The following TAFA2 variants were observed in gnomAD, a reference collection of about 807,000 sequenced individuals.
The protein encoded by TAFA2 is TAFA chemokine like family member 2.
In TAFA2, 7 loss-of-function variants were observed where a neutral mutation model predicts 18.8. The ratio of observed to expected loss-of-function variants is 0.37; its 90% CI spans 0.21 to 0.70. The LOEUF is 0.70. Among genes scored for constraint, TAFA2 ranks in the 30% least tolerant of loss-of-function variants. TAFA2 has a pLI of 0.53. For synonymous variants in TAFA2, 60 were observed against 54.2 expected (o/e 1.11, Z -0.47); for missense variants, 122 against 158.1 (o/e 0.77, Z 1.23).
At chr12:61,847,511 T>C (rs1337898253) in intron 2 of TAFA2, among the ~76,000 whole-genome samples, 9 of 152,338 alleles carry the variant, frequency 5.9e-5, no homozygotes, top group South Asian at 2.1e-4. Flanking sequence ...ATACATTACT[T>C]TGAGAAACGC....
At chr12:61,993,367 C>G (rs1421969344) in intron 1 of TAFA2, among the ~76,000 whole-genome samples, 15 of 152,098 alleles carry the variant, frequency 9.9e-5, no homozygotes, top group Admixed American at 9.8e-4. Context: ...ACATGCTTTT[C>G]TGTAATTTTC....
intron 1 of TAFA2, among the ~76,000 whole-genome samples, chr12:62,185,048 C>CT (rs2062576835): frequency 6.6e-6 from 1 of 152,044 alleles, no homozygotes; most frequent in Admixed American, 6.5e-5. Context: ...ATGGAAGGAG[C>CT]AAACATACCT....
intron 1 of TAFA2, among the ~76,000 whole-genome samples, chr12:62,094,869 T>A (rs925326149): frequency 2.6e-5 from 4 of 152,032 alleles, no homozygotes; most frequent in African/African-American, 9.7e-5. Context: ...TCTGAGAATA[T>A]TCACCAAATT....
intron 1 of TAFA2, among the ~76,000 whole-genome samples, chr12:61,898,685 C>T (rs1476975743): frequency 1.3e-5 from 2 of 152,132 alleles, no homozygotes; most frequent in African/African-American, 2.4e-5. Flanking sequence ...GCCATTTTTT[C>T]CTCCTAGCCC....
At chr12:61,839,304 C>T (rs1873074248) in intron 2 of TAFA2, among the ~76,000 whole-genome samples, 1 of 152,054 alleles carries the variant, frequency 6.6e-6, no homozygotes, top group Admixed American at 6.6e-5. Context: ...GGAGAAATGT[C>T]TCAGTTGCTA....
At chr12:61,716,673 T>C (rs1459556793) in intron 4 of TAFA2, among the ~76,000 whole-genome samples, 1 of 152,192 alleles carries the variant, frequency 6.6e-6, no homozygotes, top group Non-Finnish European at 1.5e-5. Context: ...AAATGCATTA[T>C]GAACAATAGA....
intron 1 of TAFA2, among the ~76,000 whole-genome samples, chr12:61,936,061 T>C (rs1297758389): frequency 1.3e-5 from 2 of 151,640 alleles, no homozygotes; most frequent in African/African-American, 4.8e-5. Context: ...AAAAAGAAAA[T>C]CACAGTCCAA....
At chr12:61,976,571 G>A (rs1045563555) in intron 1 of TAFA2, among the ~76,000 whole-genome samples, 2 of 151,484 alleles carry the variant, frequency 1.3e-5, no homozygotes, top group Non-Finnish European at 2.9e-5. Context: ...TAAGTTCTAG[G>A]GTACATGTGC....
chr12:61,819,321 T>G (rs1872225529), intron 2 of TAFA2, among the ~76,000 whole-genome samples: 1 of 152,202 alleles, frequency 6.6e-6, no homozygotes, highest in African/African-American at 2.4e-5. Context: ...AAGAATGTAT[T>G]TTTAATTCCT....
At chr12:61,999,105 AAT>A (rs1327142185) in intron 1 of TAFA2, among the ~76,000 whole-genome samples, 1 of 152,216 alleles carries the variant, frequency 6.6e-6, no homozygotes, top group Non-Finnish European at 1.5e-5. Context: ...AAGACTGAAA[AAT>A]ATACTGGCCA....
intron 1 of TAFA2, among the ~76,000 whole-genome samples, chr12:62,119,786 G>T (rs1870113529): frequency 6.6e-6 from 1 of 152,122 alleles, no homozygotes; most frequent in Admixed American, 6.6e-5. Flanking sequence ...AAAAGCAAAA[G>T]GGTTTGGCCG....
chr12:61,924,286 G>C (rs549928582), intron 1 of TAFA2, among the ~76,000 whole-genome samples: 4 of 152,078 alleles, frequency 2.6e-5, no homozygotes, highest in Non-Finnish European at 2.9e-5. Flanking sequence ...ACACGTAATC[G>C]TCAGATTCTC....
intron 4 of TAFA2, among the ~76,000 whole-genome samples, chr12:61,728,032 G>GTTTTTT (rs71083954): frequency 7.8e-6 from 1 of 128,476 alleles, no homozygotes; most frequent in Non-Finnish European, 1.7e-5. Flanking sequence ...TTTGAGGGTT[G>GTTTTTT]TTTTTTTTTT....
intron 1 of TAFA2, among the ~76,000 whole-genome samples, chr12:62,184,398 CTAACTAAAA>C (rs1180160357): frequency 2.0e-5 from 3 of 151,690 alleles, no homozygotes; most frequent in African/African-American, 7.3e-5. Context: ...CCTTGACTTC[CTAACTAAAA>C]GGGAAGCTCC....
At chr12:61,745,091 C>A (rs1418412040) in intron 4 of TAFA2, among the ~76,000 whole-genome samples, 3 of 151,980 alleles carry the variant, frequency 2.0e-5, no homozygotes, top group Non-Finnish European at 4.4e-5. Flanking sequence ...CTGAATCTCT[C>A]ATTACTATAG....
chr12:62,110,073 G>GGT (rs1869651404), intron 1 of TAFA2, among the ~76,000 whole-genome samples: 1 of 142,258 alleles, frequency 7.0e-6, no homozygotes, highest in Admixed American at 7.5e-5. Flanking sequence ...CAAAGGTAAT[G>GGT]CTCCAGCTTT....
At chr12:61,954,116 C>A (rs1402830281) in intron 1 of TAFA2, among the ~76,000 whole-genome samples, 1 of 152,116 alleles carries the variant, frequency 6.6e-6, no homozygotes, top group Non-Finnish European at 1.5e-5. Context: ...CATCCCTCAC[C>A]TTCCTCCCCA....
intron 1 of TAFA2, among the ~76,000 whole-genome samples, chr12:62,175,865 ATTAT>A (rs1442324344): frequency 6.2e-5 from 1 of 16,044 alleles, no homozygotes; most frequent in Non-Finnish European, 1.2e-4. Context: ...CAAAGAACAT[ATTAT>A]ATATATATAT....
At chr12:61,790,709 T>C (rs1344148711) in intron 2 of TAFA2, among the ~76,000 whole-genome samples, 2 of 151,718 alleles carry the variant, frequency 1.3e-5, no homozygotes, top group Non-Finnish European at 2.9e-5. Flanking sequence ...TGAAAGCAAC[T>C]GAGAAGTACA....
Sources: gnomAD v4.1 joint callset for allele counts (sites outside exome capture counted in the v4.1 genomes callset) on GRCh38, gnomAD v4.1.1 for gene constraint, MANE v1.5 for transcripts, NCBI Gene and HGNC (gene_info 2026-07-23, HGNC 2026-07-21) for gene names.